GPD2: variants seen among roughly 807,000 people sequenced by gnomAD.
The protein encoded by GPD2 is glycerol-3-phosphate dehydrogenase 2, also known as glycerol-3-phosphate dehydrogenase, mitochondrial.
In GPD2, 54 loss-of-function variants were observed where a neutral mutation model predicts 82.4. The ratio of observed to expected loss-of-function variants is 0.66; its 90% CI spans 0.53 to 0.82. The LOEUF is 0.82. Among genes scored for constraint, GPD2 ranks in the 40% least tolerant of loss-of-function variants. The probability of loss-of-function intolerance (pLI) is 0.00; values close to 1 mark genes in which losing one functional copy is unlikely to be tolerated. For missense variants in GPD2, 748 were observed against 896.2 expected, an observed-to-expected ratio of 0.83 and a Z score of 2.11; for synonymous variants, 288 against 306.1, an observed-to-expected ratio of 0.94 and a Z score of 0.62.
At chr2:156,448,998 C>T (rs1043306847) in intron 1 of GPD2, among the ~76,000 whole-genome samples, 7 of 152,226 alleles carry the variant, frequency 4.6e-5, no homozygotes, top group Non-Finnish European at 2.9e-5. Flanking sequence ...GGCTGCATCA[C>T]TCCAGTCTCT....
At chr2:156,447,205 A>G (rs1241752780) in intron 1 of GPD2, among the ~76,000 whole-genome samples, 1 of 152,162 alleles carries the variant, frequency 6.6e-6, no homozygotes, top group Non-Finnish European at 1.5e-5. Context: ...CCCTCTTGCT[A>G]CATGCTCTCT....
intron 6 of GPD2, among the ~76,000 whole-genome samples, chr2:156,532,000 A>G (rs1309728358): frequency 1.0e-5 from 1 of 95,532 alleles, no homozygotes; most frequent in Admixed American, 1.2e-4. Context: ...ATGTAATTTT[A>G]TTTTTATTTT....
At chr2:156,468,985 C>A (rs1323911736) in intron 1 of GPD2, among the ~76,000 whole-genome samples, 3 of 152,176 alleles carry the variant, frequency 2.0e-5, no homozygotes, top group Non-Finnish European at 4.4e-5. Flanking sequence ...CCATCTCCAA[C>A]CTTTGGTAGC....
intron 1 of GPD2, among the ~76,000 whole-genome samples, chr2:156,461,851 T>G (rs966370061): frequency 1.3e-5 from 2 of 152,236 alleles, no homozygotes; most frequent in Non-Finnish European, 2.9e-5. Flanking sequence ...TGCCAGGTAT[T>G]CAGTCAATCC....
intron 6 of GPD2, among the ~76,000 whole-genome samples, chr2:156,520,279 CATGGGCCCAGGCTTGTGG>C (rs1685353018): frequency 6.6e-6 from 1 of 152,092 alleles, no homozygotes; most frequent in South Asian, 2.1e-4. Context: ...CATTTAGGGC[CATGGGCCCAGGCTTGTGG>C]ATGGGGCCAT....
At chr2:156,515,046 T>C (rs1685148881) in intron 6 of GPD2, among the ~76,000 whole-genome samples, 2 of 152,218 alleles carry the variant, frequency 1.3e-5, no homozygotes, top group Non-Finnish European at 2.9e-5. Flanking sequence ...TTACTCATTT[T>C]CTATACTTTG....
chr2:156,401,084 C>G, the GPD2 span, among the ~76,000 whole-genome samples: 1 of 152,182 alleles, frequency 6.6e-6, no homozygotes, highest in East Asian at 1.9e-4. Flanking sequence ...TTTAAAGGCC[C>G]TGTTATTGAA....
chr2:156,576,466 T>TAAA (rs34280846), intron 13 of GPD2, among the ~76,000 whole-genome samples: 4 of 149,454 alleles, frequency 2.7e-5, no homozygotes, highest in African/African-American at 9.8e-5. Flanking sequence ...TAAGCTGTGA[T>TAAA]AAAAAAAAAA....
In GPD2 at chr2:156,568,883, C is replaced by A. The variant is rs762874223; in HGVS notation, c.1224C>A (p.Pro408=). 6.2e-7 allele frequency: 1 copy of A among 1,612,224 alleles called. No individual in the cohort carries two copies. The highest frequency in any genetic ancestry group is 8.5e-7 in the Non-Finnish European group (1 of 1,178,514). ...GAATCCGTCCTCTTGTTACAGACCC[C>A]AAATCTGCAGATACTCAGTCTATCT... The part of the protein sequence containing the change: ...WSGIRPLVTD[P]KSADTQSISR... Residue 408 remains proline (P), a synonymous_variant, in exon 10 of 17, where the codon CCC becomes CCA. Coordinates refer to ENST00000438166, the MANE Select transcript of GPD2 (RefSeq NM_000408.5).
At chr2:156,503,164 A>G (rs1684654966) in intron 3 of GPD2, among the ~76,000 whole-genome samples, 1 of 152,190 alleles carries the variant, frequency 6.6e-6, no homozygotes. Context: ...GAGAGTGGTC[A>G]AGAGAAGCTT....
intron 1 of GPD2, 93 bp from the exon 2 acceptor site, chr2:156,476,005 T>G (rs927211628): frequency 1.3e-6 from 1 of 757,902 alleles, no homozygotes; most frequent in Admixed American, 1.8e-5. Context: ...TAGTTTAACA[T>G]GGTTTCATAA....
chr2:156,406,825 C>G, the GPD2 span, among the ~76,000 whole-genome samples: 13 of 152,094 alleles, frequency 8.5e-5, no homozygotes, highest in African/African-American at 3.1e-4. Context: ...TTCTTCTTCC[C>G]AAGTTATTTG....
At position 156,520,828 on chromosome 2, in the gene GPD2, C is replaced by T. The variant is rs149654172; in HGVS notation, c.661+7332C>T. On this transcript the variant is annotated intron_variant, in intron 6 of 16. Transcript: ENST00000438166. ...TTCGAACACCTGAGCTCTGGCAGTC[C>T]GCCTGCCTCAGCCTCTCAAAGTGCT... 4.0e-3 allele frequency among the ~76,000 whole-genome samples: 602 copies of T among 152,166 alleles called. 3 individuals carry two copies. The highest frequency in any genetic ancestry group is 0.014 in the African/African-American group (575 of 41,536).
intron 3 of GPD2, among the ~76,000 whole-genome samples, chr2:156,496,588 A>C (rs1451311309): frequency 6.6e-6 from 1 of 152,208 alleles, no homozygotes; most frequent in African/African-American, 2.4e-5. Flanking sequence ...GCACCTTCAC[A>C]GTTTTTGAAA....
chr2:156,400,819 G>A, the GPD2 span, among the ~76,000 whole-genome samples: 5 of 152,134 alleles, frequency 3.3e-5, no homozygotes, highest in Non-Finnish European at 5.9e-5. Context: ...TGAGGTCCCG[G>A]GTTCAATCCC....
At chr2:156,519,580 T>C (rs1171814962) in intron 6 of GPD2, among the ~76,000 whole-genome samples, 1 of 152,270 alleles carries the variant, frequency 6.6e-6, no homozygotes, top group Non-Finnish European at 1.5e-5. Context: ...TTTAAAATTA[T>C]GTAAATATTG....
chr2:156,499,440 G>A (rs915671153), intron 3 of GPD2, among the ~76,000 whole-genome samples: 3 of 152,076 alleles, frequency 2.0e-5, no homozygotes, highest in Non-Finnish European at 4.4e-5. Context: ...AGCTGATAAG[G>A]GGTCATGAAG....
chr2:156,447,862 C>G (rs377535330), intron 1 of GPD2, among the ~76,000 whole-genome samples: 3 of 152,236 alleles, frequency 2.0e-5, no homozygotes, highest in East Asian at 3.9e-4. Context: ...TCTGTTGATG[C>G]TTTTTCAACA....
chr2:156,504,717 A>G (rs1191303643), intron 3 of GPD2, among the ~76,000 whole-genome samples: 2 of 152,106 alleles, frequency 1.3e-5, no homozygotes, highest in Non-Finnish European at 2.9e-5. Flanking sequence ...AATTATTAAA[A>G]TTAATAGAAT....
Sources: gnomAD v4.1 joint callset for allele counts (sites outside exome capture counted in the v4.1 genomes callset) on GRCh38, gnomAD v4.1.1 for gene constraint, MANE v1.5 for transcripts, NCBI Gene and HGNC (gene_info 2026-07-23, HGNC 2026-07-21) for gene names.